Variants in TSFM observed in about 807,000 individuals in gnomAD.
TSFM encodes the protein elongation factor Ts, mitochondrial.
TSFM carries 29 observed loss-of-function variants against 33.4 expected under a neutral mutation model. The observed-to-expected ratio is 0.87, with a 90% CI of 0.65 to 1.18. The LOEUF is 1.18. Ranked by LOEUF, TSFM falls within the 50% of genes most tolerant of loss-of-function variation. TSFM has a pLI of 0.00. For synonymous variants in TSFM, 178 were observed against 163.5 expected (o/e 1.09, Z -0.68); for missense variants, 394 against 395.6 (o/e 1.00, Z 0.04).
downstream of TSFM, chr12:57,802,010 G>A: frequency 1.1e-6 from 1 of 890,040 alleles, no homozygotes; most frequent in Admixed American, 2.9e-5. Flanking sequence ...TGAAAAAGAG[G>A]AGAAAAGTAA....
downstream of TSFM, among the ~76,000 whole-genome samples, chr12:57,798,600 G>T (rs142642159): frequency 2.5e-3 from 374 of 151,360 alleles, 7 homozygotes; most frequent in African/African-American, 7.9e-3. Context: ...AAGGGGAAAA[G>T]AAATTTATTC....
chr12:57,801,195 T>C, downstream of TSFM: 1 of 1,613,600 alleles, frequency 6.2e-7, no homozygotes, highest in Non-Finnish European at 8.5e-7. Context: ...CTTTTAATTG[T>C]TCATATGTTT....
chr12:57,789,761 C>T (rs148145563), intron 4 of TSFM, among the ~76,000 whole-genome samples: 140 of 152,272 alleles, frequency 9.2e-4, no homozygotes, highest in African/African-American at 3.0e-3. Context: ...AACATTGACT[C>T]GTGGGTTCTT....
chr12:57,800,051 A>G (rs1469039291), downstream of TSFM: 22 of 1,216,114 alleles, frequency 1.8e-5, no homozygotes, highest in East Asian at 4.8e-5. Flanking sequence ...TTTGATAACA[A>G]TGCTCCCCAA....
At chr12:57,783,985 A>C (rs1432987200) in intron 2 of TSFM, 4 of 702,794 alleles carry the variant, frequency 5.7e-6, no homozygotes, top group Non-Finnish European at 1.0e-5. Flanking sequence ...TCTTAATAGG[A>C]AGATACATTC....
chr12:57,786,181 A>T lies in TSFM; in HGVS notation c.250A>T (p.Lys84Ter). ...TTTACAGGCAGAGATCTGGCTCCAC[A>T]AGGAGGCCCAGAAGGAGGGCTGGAG... ...DLKQAEIWLH[K>*]EAQKEGWSKA... The change falls in exon 3 of 6, where the codon AAG becomes TAG. Residue 84 changes from lysine to a stop codon, truncating the protein, a stop_gained. Transcript: ENST00000652027. LOFTEE classifies it high-confidence loss of function. 1.2e-6 allele frequency: 2 copies of T among 1,607,288 alleles called. No homozygotes were observed. Among genetic ancestry groups the T allele is most frequent in the Non-Finnish European group, 1.7e-6 (2 of 1,176,492 alleles).
intron 5 of TSFM, among the ~76,000 whole-genome samples, chr12:57,795,688 C>T (rs372050411): frequency 2.6e-5 from 4 of 152,018 alleles, no homozygotes; most frequent in African/African-American, 9.7e-5. Flanking sequence ...GATCTCGGCT[C>T]ACTGCAACCT....
At chr12:57,793,137 C>T in intron 5 of TSFM, 64 bp downstream of exon 5, 4 of 1,409,294 alleles carry the variant, frequency 2.8e-6, no homozygotes, top group Middle Eastern at 3.5e-4. Context: ...TATCTTGTTC[C>T]TCCAAATCTA....
chr12:57,788,420 G>GCGCCCGCCACCACACA (rs1955617521), intron 4 of TSFM, among the ~76,000 whole-genome samples: 1 of 151,982 alleles, frequency 6.6e-6, no homozygotes, highest in Admixed American at 6.6e-5. Context: ...GGGACTACAG[G>GCGCCCGCCACCACACA]CGCCCGCCAC....
downstream of TSFM, chr12:57,801,221 AAG>A: frequency 6.2e-7 from 1 of 1,611,834 alleles, no homozygotes; most frequent in Non-Finnish European, 8.5e-7. Flanking sequence ...GCCTGAGAAG[AAG>A]AGAGAGAAAA....
intron 3 of TSFM, 87 bp from the exon 4 acceptor site, chr12:57,786,953 A>C: frequency 1.4e-6 from 2 of 1,411,102 alleles, no homozygotes; most frequent in Non-Finnish European, 9.5e-7. Flanking sequence ...TTGTTCTATC[A>C]GTATCTTGAT....
chr12:57,787,250 A>C, intron 4 of TSFM, 88 bp downstream of exon 4: 1 of 1,283,752 alleles, frequency 7.8e-7, no homozygotes. Flanking sequence ...CTCATGTCTC[A>C]TTCTGTTACT....
intron 5 of TSFM, 115 bp downstream of exon 5, chr12:57,793,188 C>T (rs113550161): frequency 1.1e-4 from 95 of 837,382 alleles, no homozygotes; most frequent in Middle Eastern, 6.8e-4. Context: ...ATGATACGAA[C>T]GTGAGAAGTG....
chr12:57,790,056 CTTTCTTTTTTTTTTTTTTTTTTTT>C (rs1203033434), intron 4 of TSFM, among the ~76,000 whole-genome samples: 1 of 84,546 alleles, frequency 1.2e-5, no homozygotes, highest in African/African-American at 5.5e-5. Context: ...TGATTTCTTT[CTTTCTTTTTTTTTTTTTTTTTTTT>C]TGAGACAGAG....
chr12:57,802,546 A>ATCT (rs1325811757), downstream of TSFM: 6 of 754,554 alleles, frequency 8.0e-6, no homozygotes, highest in Admixed American at 1.2e-4. Context: ...TGCTATGTGT[A>ATCT]TCTTCCAGGT....
At chr12:57,791,944 G>A in intron 4 of TSFM, 1 of 378,524 alleles carries the variant, frequency 2.6e-6, no homozygotes, top group Non-Finnish European at 5.4e-6. Flanking sequence ...ATGATTTTAT[G>A]AAAATATTGT....
downstream of TSFM, chr12:57,802,192 A>G: frequency 6.2e-7 from 1 of 1,614,012 alleles, no homozygotes; most frequent in Non-Finnish European, 8.5e-7. Flanking sequence ...GCTAGGAACC[A>G]GCCTGTGAAG....
downstream of TSFM, among the ~76,000 whole-genome samples, chr12:57,798,756 A>G (rs1347240032): frequency 1.3e-5 from 2 of 151,730 alleles, no homozygotes; most frequent in African/African-American, 2.4e-5. Context: ...AGCTGGGACT[A>G]CAGGCACCCA....
At chr12:57,790,252 TAG>T (rs1400536913) in intron 4 of TSFM, among the ~76,000 whole-genome samples, 2 of 151,938 alleles carry the variant, frequency 1.3e-5, no homozygotes, top group African/African-American at 4.8e-5. Context: ...GTATTTTCAG[TAG>T]AGACAGGGTT....
Sources: allele counts gnomAD v4.1 joint callset (sites outside exome capture counted in the v4.1 genomes callset), GRCh38; gene constraint gnomAD v4.1.1; transcripts MANE v1.5; gene names NCBI Gene and HGNC (gene_info 2026-07-23, HGNC 2026-07-21).